Variants in RWDD4 observed in about 807,000 individuals in gnomAD.
The protein encoded by RWDD4 is RWD domain-containing protein 4.
Under a neutral mutation model 30.0 loss-of-function variants are expected in RWDD4, and 16 were observed. The observed-to-expected ratio is 0.53, with a 90% CI of 0.36 to 0.81. RWDD4 has a LOEUF of 0.81. RWDD4 is among the 30% of genes least tolerant of loss of function. The pLI is 0.00. For synonymous variants in RWDD4, 45 were observed against 72.1 expected (o/e 0.62, Z 1.90); for missense variants, 170 against 223.9 (o/e 0.76, Z 1.54).
intron 2 of RWDD4, among the ~76,000 whole-genome samples, chr4:183,652,960 G>A (rs1247163244): frequency 1.3e-5 from 2 of 152,166 alleles, no homozygotes; most frequent in East Asian, 3.9e-4. Context: ...CTGAGCTCAA[G>A]TGATCTTCCT....
intron 2 of RWDD4, among the ~76,000 whole-genome samples, chr4:183,655,548 T>G (rs1025188923): frequency 6.6e-6 from 1 of 152,190 alleles, no homozygotes. Flanking sequence ...CCTCCCAAAG[T>G]GCTGGGATTA....
intron 2 of RWDD4, among the ~76,000 whole-genome samples, chr4:183,652,396 C>CCTG: frequency 7.1e-6 from 1 of 141,806 alleles, no homozygotes; most frequent in Admixed American, 7.4e-5. Flanking sequence ...GGTCTCACTC[C>CCTG]ATTGCCCAGG....
At chr4:183,655,573 C>T (rs745957834) in intron 2 of RWDD4, among the ~76,000 whole-genome samples, 3 of 152,066 alleles carry the variant, frequency 2.0e-5, no homozygotes, top group Admixed American at 6.6e-5. Flanking sequence ...TGAGAGCCAC[C>T]GCGCCCAGCC....
rs182016626 is a variant in RWDD4 at position 183,641,521 on chromosome 4, A to G, written c.535-53T>C. ...ACAAGTGGTATTTTCTGAGTTCACTATTTCCATGGAGTATCAAAATTAAAC... is the reference window on the plus strand; with the variant it reads ...ACAAGTGGTATTTTCTGAGTTCACTGTTTCCATGGAGTATCAAAATTAAAC... On this transcript the variant is annotated intron_variant, in intron 7 of 7. Transcript: ENST00000326397. 63 of 1,373,894 alleles carry G rather than the reference A, an allele frequency of 4.6e-5. No individual in the cohort carries two copies. The African/African-American group carries it at 7.1e-4, about 15-fold the overall frequency. 85.1% of individuals were successfully genotyped at this position (1,373,894 alleles called of 1,614,324 possible). A position where few individuals can be genotyped will look rare whatever the true frequency, so the allele number is the denominator to read the frequency against.
Position 183,646,529 on chromosome 4 carries a change from CT to C in RWDD4, c.489del (p.Gly164GlufsTer13). The C allele has an allele frequency of 6.2e-7, 1 of 1,611,240 alleles. No individual in the cohort carries two copies. Among genetic ancestry groups the C allele is most frequent in the South Asian group, 1.1e-5 (1 of 90,334 alleles). On this transcript the variant is annotated frameshift_variant, in exon 6 of 8. Coordinates refer to ENST00000326397, the MANE Select transcript of RWDD4 (RefSeq NM_152682.4). LOFTEE classifies it high-confidence loss of function. ...CAGTTCCAGCCTCGAGGAAGTTCTC[CT>C]TTGTGATCTAGAAGATAAAAAATAG... is the stretch of plus-strand genomic sequence containing the variant. ...KRKLADKTDH[K>X]GELPRGWNWV...
intron 7 of RWDD4, 97 bp downstream of exon 7, chr4:183,646,254 A>C (rs1733963780): frequency 1.4e-6 from 1 of 727,888 alleles, no homozygotes; most frequent in African/African-American, 1.8e-5. Flanking sequence ...TTGTAGTTTT[A>C]ACTTCTGCAA....
intron 4 of RWDD4, among the ~76,000 whole-genome samples, chr4:183,650,017 T>G (rs1328): frequency 0.038 from 5,739 of 152,324 alleles, 159 homozygotes; most frequent in South Asian, 0.1. Context: ...AGAAAAATTT[T>G]AAGACACATG....
intron 7 of RWDD4, among the ~76,000 whole-genome samples, chr4:183,643,203 G>C (rs1176141243): frequency 2.0e-5 from 3 of 147,758 alleles, no homozygotes; most frequent in African/African-American, 7.4e-5. Context: ...GAGGTGGGTG[G>C]ATCACTTGAG....
At chr4:183,648,098 G>C (rs1733997212) in intron 5 of RWDD4, among the ~76,000 whole-genome samples, 1 of 152,106 alleles carries the variant, frequency 6.6e-6, no homozygotes, top group Non-Finnish European at 1.5e-5. Context: ...ACAAAAATTA[G>C]CCAGGCATAG....
intron 7 of RWDD4, 53 bp downstream of exon 7, chr4:183,646,298 A>C (rs1433667678): frequency 2.5e-6 from 2 of 808,628 alleles, no homozygotes; most frequent in African/African-American, 1.7e-5. Context: ...AAAGATCTAA[A>C]ATTGAGAGTG....
intron 2 of RWDD4, 24 bp from the exon 3 acceptor site, chr4:183,651,351 G>C: frequency 1.3e-6 from 2 of 1,547,868 alleles, no homozygotes; most frequent in Non-Finnish European, 1.8e-6. Flanking sequence ...GAAATCTTAG[G>C]CTTGTAAAAG....
At chr4:183,658,569 G>C (rs1734269963) in intron 1 of RWDD4, among the ~76,000 whole-genome samples, 2 of 152,310 alleles carry the variant, frequency 1.3e-5, no homozygotes, top group Non-Finnish European at 2.9e-5. Flanking sequence ...ATTTAAAGAT[G>C]ACCAGACTAA....
chr4:183,643,107 A>G (rs574868113), intron 7 of RWDD4, among the ~76,000 whole-genome samples: 1 of 129,340 alleles, frequency 7.7e-6, no homozygotes, highest in Non-Finnish European at 1.6e-5. Flanking sequence ...AATAAATAAA[A>G]TAAAAATTAA....
At position 183,641,245 on chromosome 4, in the gene RWDD4, G is replaced by C; in HGVS notation, c.*191C>G. ...ACATTTTCACCTTTTATTAAGGCAA[G>C]TTTGTGAAAATAATTTAATACAACA... On this transcript the variant is annotated 3_prime_UTR_variant, in exon 8 of 8. Transcript: ENST00000326397. The C allele has an allele frequency of 1.6e-6, 1 of 611,148 alleles. No homozygotes were observed. Among genetic ancestry groups the C allele is most frequent in the South Asian group, 2.1e-5 (1 of 48,296 alleles). The allele number at this position is 611,148 out of a possible 1,614,324, so 37.9% of individuals were successfully genotyped here.
intron 1 of RWDD4, among the ~76,000 whole-genome samples, chr4:183,658,098 T>C (rs185255928): frequency 1.3e-5 from 2 of 152,340 alleles, no homozygotes; most frequent in Admixed American, 1.3e-4. Context: ...ACTAGCTAGC[T>C]TGTTGGACTT....
rs1734308885 is a variant in RWDD4, at chr4:183,659,089, C to G, written c.-137G>C. 3.3e-6 allele frequency: 2 copies of G among 597,346 alleles called. No homozygotes were observed. The highest frequency in any genetic ancestry group is 4.9e-6 in the Non-Finnish European group (2 of 409,344). 37.0% of individuals were successfully genotyped at this position (597,346 alleles called of 1,614,324 possible). ...GCGGCACAGTCTTGGCACTGGCAGA[C>G]GCCAACTGCGCGCGCCCCGAGCCTC... On this transcript the variant is annotated 5_prime_UTR_variant, in exon 1 of 8. Transcript: ENST00000326397.
chr4:183,649,881 T>G (rs899377032), intron 4 of RWDD4, among the ~76,000 whole-genome samples: 4 of 152,238 alleles, frequency 2.6e-5, no homozygotes, highest in African/African-American at 9.6e-5. Context: ...AACTTGCTAT[T>G]ATTTGGAAAT....
chr4:183,644,388 T>A (rs957347033), intron 7 of RWDD4, among the ~76,000 whole-genome samples: 5 of 152,224 alleles, frequency 3.3e-5, no homozygotes, highest in Admixed American at 3.3e-4. Context: ...AGGAAATATT[T>A]TTGTACTAGT....
At chr4:183,655,827 C>T (rs1044910464) in intron 2 of RWDD4, 54 bp downstream of exon 2, 17 of 1,053,578 alleles carry the variant, frequency 1.6e-5, no homozygotes, top group Non-Finnish European at 2.3e-5. Flanking sequence ...TTTTTAGCCA[C>T]TTTCAGTCTT....
Sources: gnomAD v4.1 joint callset for allele counts (sites outside exome capture counted in the v4.1 genomes callset) on GRCh38, gnomAD v4.1.1 for gene constraint, MANE v1.5 for transcripts, NCBI Gene and HGNC (gene_info 2026-07-23, HGNC 2026-07-21) for gene names.